Variants in LGALS2 observed in about 807,000 individuals in gnomAD.
The protein encoded by LGALS2 is galectin 2, also known as galectin-2.
In LGALS2, 7 loss-of-function variants were observed where a neutral mutation model predicts 10.1. That is an observed-to-expected ratio of 0.70 (90% CI 0.40 to 1.31). LGALS2 has a LOEUF of 1.31. Among genes scored for constraint, LGALS2 ranks in the 50% most tolerant of loss-of-function variants. LGALS2 has a pLI of 0.01. For missense variants in LGALS2, 167 were observed against 163.6 expected, an observed-to-expected ratio of 1.02 and a Z score of -0.11; for synonymous variants, 86 against 64.2, an observed-to-expected ratio of 1.34 and a Z score of -1.63.
rs147602574 is a variant in LGALS2, at chr22:37,576,253, T to C, written c.6+3647A>G. Among the ~76,000 whole-genome samples, 1,291 of 151,816 alleles carry C rather than the reference T, an allele frequency of 8.5e-3. 7 individuals are homozygous for C. Among genetic ancestry groups the C allele is most frequent in the South Asian group, 0.017 (83 of 4,802 alleles). On this transcript the variant is annotated intron_variant, in intron 1 of 3. Transcript: ENST00000215886. Reference sequence around the variant, plus strand: ...GGATCACGAGGTCAGGAGAGTGAGATCATCCTGGCTAACACGGTGAAACCC... The same window carrying C: ...GGATCACGAGGTCAGGAGAGTGAGACCATCCTGGCTAACACGGTGAAACCC...
chr22:37,570,485 C>A, intron 3 of LGALS2, 73 bp from the exon 4 acceptor site: 1 of 1,605,420 alleles, frequency 6.2e-7, no homozygotes, highest in Non-Finnish European at 8.5e-7. Flanking sequence ...ATGGCTCAAA[C>A]AAGGCCAGCA....
intron 1 of LGALS2, among the ~76,000 whole-genome samples, chr22:37,574,559 G>A (rs2145821132): frequency 6.6e-6 from 1 of 151,814 alleles, no homozygotes; most frequent in Admixed American, 6.6e-5. Context: ...TATGACCAGA[G>A]GGTGAGGGTT....
Position 37,579,917 on chromosome 22 carries a change from C to A in LGALS2, c.-12G>T. The stretch of plus-strand genomic sequence containing the variant: ...GTCCTCACCGTCATGGTGACAGCTC[C>A]TGGCGGCAGCTCCCAGCGGCTCCTG... On this transcript the variant is annotated 5_prime_UTR_variant, in exon 1 of 4. In the 5' UTR this introduces an upstream ATG that the reference lacks. Coordinates refer to ENST00000215886, the MANE Select transcript of LGALS2 (RefSeq NM_006498.3). 6.2e-7 allele frequency: 1 copy of A among 1,611,512 alleles called. No individual in the cohort carries two copies. Among genetic ancestry groups the A allele is most frequent in the African/African-American group, 1.3e-5 (1 of 75,036 alleles).
chr22:37,572,542 C>T (rs529621587), intron 1 of LGALS2, among the ~76,000 whole-genome samples: 3 of 151,954 alleles, frequency 2.0e-5, no homozygotes, highest in Non-Finnish European at 2.9e-5. Context: ...CCGAGGCGGG[C>T]GGATCACGAG....
intron 1 of LGALS2, 62 bp downstream of exon 1, chr22:37,579,838 C>T: frequency 1.3e-6 from 2 of 1,567,774 alleles, no homozygotes; most frequent in Non-Finnish European, 1.7e-6. Flanking sequence ...CTAAAAGCCC[C>T]CACCCAGGCA....
At chr22:37,571,810 C>T (rs200011767) in intron 2 of LGALS2, 39 bp downstream of exon 2, 30 of 1,557,044 alleles carry the variant, frequency 1.9e-5, no homozygotes, top group Admixed American at 1.7e-4. Flanking sequence ...CTGCCTATTC[C>T]GGGCCTGCAG....
rs552816146 is a variant in LGALS2 at position 37,570,328 on chromosome 22, T to A, written c.334A>T (p.Ser112Cys). ...CTTACGCTCAGGTAGCTCAGGTGGC[T>A]GTGACCCAGCCTGTTGGGAAAAGTC... ...ELTFPNRLGH[S>C]HLSYLSVRGG... Residue 112 changes from serine to cysteine, a missense_variant, in exon 4 of 4, where the codon AGC (serine) becomes TGC (cysteine). Physicochemically the swap from Ser to Cys is moderately radical, Grantham distance 112 (BLOSUM62 -1). Coordinates refer to ENST00000215886, the MANE Select transcript of LGALS2 (RefSeq NM_006498.3). 2 of 1,614,136 alleles carry A rather than the reference T, an allele frequency of 1.2e-6. No individual in the cohort carries two copies. The highest frequency in any genetic ancestry group is 2.7e-5 in the African/African-American group (2 of 75,070).
intron 2 of LGALS2, 91 bp downstream of exon 2, chr22:37,571,758 G>T: frequency 9.9e-7 from 1 of 1,007,946 alleles, no homozygotes; most frequent in Non-Finnish European, 1.6e-6. Context: ...CGTCCCTCTT[G>T]CCTGAGCACT....
At chr22:37,577,833 G>A (rs1024317663) in intron 1 of LGALS2, among the ~76,000 whole-genome samples, 3 of 152,176 alleles carry the variant, frequency 2.0e-5, no homozygotes, top group African/African-American at 4.8e-5. Flanking sequence ...AGGAGTCCAC[G>A]TGAAGTTGGA....
chr22:37,571,144 C>T (rs1363758936), intron 2 of LGALS2, among the ~76,000 whole-genome samples: 1 of 152,168 alleles, frequency 6.6e-6, no homozygotes, highest in Non-Finnish European at 1.5e-5. Flanking sequence ...TGGGCTAGAC[C>T]TGCAGGGTTC....
intron 1 of LGALS2, among the ~76,000 whole-genome samples, chr22:37,573,730 G>GT (rs11311539): frequency 0.021 from 3,044 of 148,386 alleles, 71 homozygotes; most frequent in African/African-American, 0.061. Context: ...TTCTTTTTTT[G>GT]TTTTTTTTTT....
At position 37,580,015 on chromosome 22, in the gene LGALS2, G is replaced by A; in HGVS notation, c.-110C>T. On this transcript the variant is annotated 5_prime_UTR_variant, in exon 1 of 4. Transcript: ENST00000215886. ...AATATTACACATTAACTCCCTCAAG[G>A]TCCTAGGTGAGGACTTTGCCCCTTC... The A allele has an allele frequency of 8.4e-7, 1 of 1,191,876 alleles. No individual in the cohort carries two copies. 73.8% of individuals were successfully genotyped at this position (1,191,876 alleles called of 1,614,324 possible). A position where few individuals can be genotyped will look rare whatever the true frequency, so the allele number is the denominator to read the frequency against.
In LGALS2 at chr22:37,576,113, A is replaced by G. The variant is rs538779551; in HGVS notation, c.6+3787T>C. 3.3e-5 allele frequency among the ~76,000 whole-genome samples: 5 copies of G among 152,086 alleles called. No homozygotes were observed. The East Asian group carries it at 9.7e-4, about 29-fold the overall frequency. On this transcript the variant is annotated intron_variant, in intron 1 of 3. Transcript: ENST00000215886. ...ACTCCCCATGTCTTTGCTTAACACA[A>G]CGGGGTTGGGTCCAGATTTTGGAGC... is the stretch of plus-strand genomic sequence containing the variant.
intron 1 of LGALS2, among the ~76,000 whole-genome samples, chr22:37,579,085 CA>C (rs1267244532): frequency 2.8e-5 from 4 of 143,010 alleles, no homozygotes; most frequent in Non-Finnish European, 3.0e-5. Context: ...TCCATCTCAA[CA>C]AAAAAAAAAA....
chr22:37,574,615 T>C (rs1392412553), intron 1 of LGALS2, among the ~76,000 whole-genome samples: 1 of 151,960 alleles, frequency 6.6e-6, no homozygotes, highest in South Asian at 2.1e-4. Context: ...GAACAACTTA[T>C]GGGAGGACAC....
At chr22:37,570,456 T>A (rs780304881) in intron 3 of LGALS2, 44 bp from the exon 4 acceptor site, 4 of 1,607,914 alleles carry the variant, frequency 2.5e-6, no homozygotes, top group Non-Finnish European at 2.6e-6. Flanking sequence ...GCCCTGGAAA[T>A]GGGCCAGGGC....
chr22:37,570,619 T>C lies in LGALS2; in HGVS notation c.206A>G (p.Gln69Arg), dbSNP rs1388204023. 1 of 1,614,226 alleles carries C rather than the reference T, an allele frequency of 6.2e-7. No individual in the cohort carries two copies. Among genetic ancestry groups the C allele is most frequent in the East Asian group, 2.2e-5 (1 of 44,878 alleles). The change falls in exon 3 of 4, where the codon CAA becomes CGA. Residue 69 changes from glutamine (Q) to arginine (R), a missense_variant. Gln to Arg is a conservative substitution (Grantham distance 43). Coordinates refer to ENST00000215886, the MANE Select transcript of LGALS2 (RefSeq NM_006498.3). ...GCTGAAGCACAGGTGATCTTCCCGTTGTTCTTGCCCCCAGTTGCTGCCGTC... is the reference window on the plus strand; with the variant it reads ...GCTGAAGCACAGGTGATCTTCCCGTCGTTCTTGCCCCCAGTTGCTGCCGTC... ...SLDGSNWGQE[Q>R]REDHLCFSPG...
At position 37,570,313 on chromosome 22, in the gene LGALS2, G is replaced by A. The variant is rs1413786742; in HGVS notation, c.349C>T (p.Leu117=). 6.2e-7 allele frequency: 1 copy of A among 1,613,918 alleles called. No individual in the cohort carries two copies. The highest frequency in any genetic ancestry group is 8.5e-7 in the Non-Finnish European group (1 of 1,179,784). ...NRLGHSHLSY[L]SVRGGFNMSS... Reference sequence around the variant, plus strand: ...ATGTTGAACCCGCCCCTTACGCTCAGGTAGCTCAGGTGGCTGTGACCCAGC... The same window carrying A: ...ATGTTGAACCCGCCCCTTACGCTCAAGTAGCTCAGGTGGCTGTGACCCAGC... The change falls in exon 4 of 4, where the codon CTG becomes TTG. Residue 117 remains leucine, a synonymous_variant. Transcript: ENST00000215886.
Position 37,577,822 on chromosome 22 carries a change from G to T in LGALS2, c.6+2078C>A, listed in dbSNP as rs1925734388. Among the ~76,000 whole-genome samples, 3 of 152,194 alleles carry T rather than the reference G, an allele frequency of 2.0e-5. No individual in the cohort carries two copies. In the South Asian group the frequency reaches 6.2e-4, roughly 32 times the overall value. ...ATAGACACAGAGACGGAGACACACA[G>T]AGGAGTCCACGTGAAGTTGGAGGCA... On this transcript the variant is annotated intron_variant, in intron 1 of 3. Transcript: ENST00000215886.
Sources: gnomAD v4.1 joint callset for allele counts (sites outside exome capture counted in the v4.1 genomes callset) on GRCh38, gnomAD v4.1.1 for gene constraint, MANE v1.5 for transcripts, NCBI Gene and HGNC (gene_info 2026-07-23, HGNC 2026-07-21) for gene names.